Variants in ECSCR observed in about 807,000 individuals in gnomAD.
ECSCR encodes the protein endothelial cell surface expressed chemotaxis and apoptosis regulator.
In ECSCR, 12 loss-of-function variants were observed where a neutral mutation model predicts 16.7. That is an observed-to-expected ratio of 0.72 (90% CI 0.46 to 1.17). ECSCR has a LOEUF of 1.17. ECSCR is among the 50% of genes most tolerant of loss of function. The probability of loss-of-function intolerance (pLI) is 0.00; values close to 1 mark genes in which losing one functional copy is unlikely to be tolerated. For missense variants in ECSCR, 122 were observed against 116.1 expected (o/e 1.05, Z -0.23); for synonymous variants, 44 against 42.2 (o/e 1.04, Z -0.17).
Position 139,454,593 on chromosome 5 carries a change from C to T in ECSCR, c.512+9G>A, listed in dbSNP as rs962592305. On this transcript the variant is annotated intron_variant, in intron 8 of 9. Coordinates refer to ENST00000618155, the MANE Select transcript of ECSCR (RefSeq NM_001077693.4). ...GGTGTCAGATAGAAGATTTTTCTGA[C>T]GGTCTTACCTTTCAGACAGCCCTGA... 1.1e-3 allele frequency: 425 copies of T among 398,136 alleles called. 1 individual carries two copies. Among genetic ancestry groups the T allele is most frequent in the African/African-American group, 6.8e-3 (332 of 48,528 alleles). 24.7% of individuals were successfully genotyped at this position (398,136 alleles called of 1,614,324 possible). A position where few individuals can be genotyped will look rare whatever the true frequency, so the allele number is the denominator to read the frequency against.
At chr5:139,451,588 G>A (rs1186604817) in intron 8 of ECSCR, among the ~76,000 whole-genome samples, 4 of 145,994 alleles carry the variant, frequency 2.7e-5, no homozygotes, top group African/African-American at 1.0e-4. Flanking sequence ...TGTGTGTGTG[G>A]TGTCTGTGTG....
intron 8 of ECSCR, among the ~76,000 whole-genome samples, chr5:139,452,069 T>G (rs1751064604): frequency 6.7e-6 from 1 of 148,588 alleles, no homozygotes. Context: ...TGGGGGTGTG[T>G]GTATAGTATG....
intron 8 of ECSCR, among the ~76,000 whole-genome samples, chr5:139,454,303 G>A (rs1223907321): frequency 6.7e-6 from 1 of 148,204 alleles, no homozygotes; most frequent in African/African-American, 2.5e-5. Context: ...AGGTGTGTGG[G>A]AGGCGTGTAT....
chr5:139,457,915 C>T, intron 2 of ECSCR, 108 bp from the exon 3 acceptor site: 1 of 1,314,300 alleles, frequency 7.6e-7, no homozygotes, highest in Admixed American at 2.0e-5. Context: ...TCCCCCACCC[C>T]TCATTCCCAA....
chr5:139,450,574 G>A (rs1217095834), intron 8 of ECSCR, among the ~76,000 whole-genome samples: 4 of 150,968 alleles, frequency 2.6e-5, no homozygotes, highest in Admixed American at 6.6e-5. Flanking sequence ...TCAGGAGTTC[G>A]AGACCAGCCT....
chr5:139,449,376 C>T (rs567558081), intron 8 of ECSCR, among the ~76,000 whole-genome samples: 5 of 152,300 alleles, frequency 3.3e-5, no homozygotes, highest in East Asian at 1.9e-4. Context: ...CTCGCTCTGT[C>T]GCCCAGGCTG....
rs1246800154 is a variant in ECSCR at position 139,455,516 on chromosome 5, C to G, written c.263-80G>C. On this transcript the variant is annotated intron_variant, in intron 5 of 9. Coordinates refer to ENST00000618155, the MANE Select transcript of ECSCR (RefSeq NM_001077693.4). ...AGAGCTAGCTTCCCTCCCGCTTCCCCCTAGGGAAGGACCAGAATTTATGCT... is the reference window on the plus strand; with the variant it reads ...AGAGCTAGCTTCCCTCCCGCTTCCCGCTAGGGAAGGACCAGAATTTATGCT... 7 of 393,094 alleles carry G rather than the reference C, an allele frequency of 1.8e-5. No homozygotes were observed. In the Admixed American group the frequency reaches 2.2e-4, roughly 12 times the overall value. The allele number at this position is 393,094 out of a possible 1,614,324, so 24.4% of individuals were successfully genotyped here.
rs769494432 is a variant in ECSCR at position 139,462,695 on chromosome 5, G to A, written c.-25C>T. On this transcript the variant is annotated 5_prime_UTR_variant, in exon 1 of 10. Transcript: ENST00000618155. ...TGTCAGCTGGGTATGTGGCGGGCAG[G>A]CAGCAGCTCAGTGGAGGCTCTGTCC... 1.2e-5 allele frequency: 19 copies of A among 1,530,464 alleles called. No homozygotes were observed. The South Asian group carries it at 1.4e-4, about 11-fold the overall frequency. 94.8% of individuals were successfully genotyped at this position (1,530,464 alleles called of 1,614,324 possible). A position where few individuals can be genotyped will look rare whatever the true frequency, so the allele number is the denominator to read the frequency against.
intron 8 of ECSCR, among the ~76,000 whole-genome samples, chr5:139,450,154 A>G (rs1013388038): frequency 1.3e-5 from 2 of 152,014 alleles, no homozygotes; most frequent in South Asian, 4.2e-4. Context: ...TGGCCTCCCA[A>G]AGTGCTGAGA....
chr5:139,458,320 G>T (rs1172030878), intron 1 of ECSCR, 137 bp from the exon 2 acceptor site: 119 of 670,496 alleles, frequency 1.8e-4, no homozygotes, highest in Middle Eastern at 4.5e-4. Flanking sequence ...ATTTTGTTTT[G>T]TTTTGTTTTT....
chr5:139,454,161 G>GT (rs1751105364), intron 8 of ECSCR, among the ~76,000 whole-genome samples: 1 of 144,712 alleles, frequency 6.9e-6, no homozygotes, highest in African/African-American at 2.6e-5. Context: ...GTGTGTGTGT[G>GT]GTGTGTGGGT....
chr5:139,450,515 T>C (rs1344055620), intron 8 of ECSCR, among the ~76,000 whole-genome samples: 8 of 145,516 alleles, frequency 5.5e-5, no homozygotes, highest in Non-Finnish European at 1.2e-4. Context: ...TGGTGGCTCA[T>C]GCCTGTAATC....
chr5:139,456,633 C>T, intron 4 of ECSCR, 115 bp from the exon 5 acceptor site: 1 of 395,382 alleles, frequency 2.5e-6, no homozygotes, highest in Non-Finnish European at 4.5e-6. Flanking sequence ...CTTTCTCAGC[C>T]TTTTCTGCCT....
intron 1 of ECSCR, 133 bp downstream of exon 1, chr5:139,462,477 T>A: frequency 1.1e-6 from 1 of 907,534 alleles, no homozygotes; most frequent in Non-Finnish European, 1.7e-6. Flanking sequence ...CTGATCTTCA[T>A]GGAAAGGCTC....
At chr5:139,457,933 C>T (rs1751196169) in intron 2 of ECSCR, 126 bp from the exon 3 acceptor site, 1 of 1,228,996 alleles carries the variant, frequency 8.1e-7, no homozygotes, top group Non-Finnish European at 1.2e-6. Flanking sequence ...CAACCATTCA[C>T]CTCTTTTTTC....
chr5:139,451,337 T>C (rs1013982422), intron 8 of ECSCR, among the ~76,000 whole-genome samples: 1 of 148,182 alleles, frequency 6.7e-6, no homozygotes, highest in Non-Finnish European at 1.5e-5. Context: ...GTGTATATGT[T>C]GTGTGTATGT....
At chr5:139,451,518 T>C (rs1483921950) in intron 8 of ECSCR, among the ~76,000 whole-genome samples, 1 of 129,828 alleles carries the variant, frequency 7.7e-6, no homozygotes, top group Admixed American at 7.8e-5. Flanking sequence ...TGAGTGTGTA[T>C]AGTATGAAGT....
At chr5:139,454,121 G>A (rs1751104084) in intron 8 of ECSCR, among the ~76,000 whole-genome samples, 1 of 141,646 alleles carries the variant, frequency 7.1e-6, no homozygotes, top group African/African-American at 2.6e-5. Flanking sequence ...TGATGTGTGG[G>A]GTGTGTGGTG....
At chr5:139,455,938 A>G (rs913129129) in intron 5 of ECSCR, among the ~76,000 whole-genome samples, 134 of 151,912 alleles carry the variant, frequency 8.8e-4, no homozygotes, top group Admixed American at 8.0e-3. Flanking sequence ...CCTGGCCAAT[A>G]TGGTGAAATC....
Sources: gnomAD v4.1 joint callset for allele counts (sites outside exome capture counted in the v4.1 genomes callset) on GRCh38, gnomAD v4.1.1 for gene constraint, MANE v1.5 for transcripts, NCBI Gene and HGNC (gene_info 2026-07-23, HGNC 2026-07-21) for gene names.